The following GPC1 variants were observed in gnomAD, a reference collection of about 807,000 sequenced individuals.
The protein encoded by GPC1 is glypican-1.
A neutral mutation model predicts 51.5 loss-of-function variants in GPC1; 26 were observed. The ratio of observed to expected loss-of-function variants is 0.50; its 90% confidence interval spans 0.37 to 0.70. The LOEUF (loss-of-function observed/expected upper bound fraction) is 0.70. Among genes scored for constraint, GPC1 ranks in the 30% least tolerant of loss-of-function variants. The probability of loss-of-function intolerance (pLI) is 0.00; values close to 1 mark genes in which losing one functional copy is unlikely to be tolerated. For missense variants in GPC1, 775 were observed against 800.5 expected, an observed-to-expected ratio of 0.97 and a Z score of 0.38; for synonymous variants, 380 against 348.3, an observed-to-expected ratio of 1.09 and a Z score of -1.01.
At chr2:240,465,405 C>CAT (rs1259048755) in intron 7 of GPC1, 68 bp from the exon 8 acceptor site, 1 of 1,491,854 alleles carries the variant, frequency 6.7e-7, no homozygotes, top group Non-Finnish European at 9.2e-7. Context: ...GGGAGAGTGT[C>CAT]CTGCTCAGGT....
chr2:240,443,393 G>A (rs1173525899), intron 1 of GPC1, among the ~76,000 whole-genome samples: 1 of 152,234 alleles, frequency 6.6e-6, no homozygotes, highest in Non-Finnish European at 1.5e-5. Flanking sequence ...CACCACTGCT[G>A]TCTCCTGAGG....
intron 1 of GPC1, among the ~76,000 whole-genome samples, chr2:240,446,788 G>A (rs999328003): frequency 1.3e-5 from 2 of 152,206 alleles, no homozygotes; most frequent in African/African-American, 4.8e-5. Context: ...GGAGACTTGG[G>A]GAGCAGATAG....
At chr2:240,446,822 A>C (rs1161125143) in intron 1 of GPC1, among the ~76,000 whole-genome samples, 6 of 152,178 alleles carry the variant, frequency 3.9e-5, no homozygotes. Flanking sequence ...CTTCCAGCCC[A>C]CATCATTCGG....
intron 1 of GPC1, among the ~76,000 whole-genome samples, chr2:240,440,587 G>A (rs944247821): frequency 6.9e-6 from 1 of 144,212 alleles, no homozygotes; most frequent in African/African-American, 2.6e-5. Context: ...TGGCCTCCCT[G>A]CCTCCGGTCC....
chr2:240,455,091 T>C, intron 1 of GPC1: 1 of 167,336 alleles, frequency 6.0e-6, no homozygotes, highest in Non-Finnish European at 1.4e-5. Flanking sequence ...ACCGTCAGGA[T>C]CGGGAGGGGG....
chr2:240,463,785 T>C, intron 4 of GPC1: 1 of 523,698 alleles, frequency 1.9e-6, no homozygotes, highest in East Asian at 3.2e-5. Context: ...AGCACCTCGG[T>C]GTGCATACAT....
At chr2:240,461,649 C>T (rs546947413) in intron 2 of GPC1, among the ~76,000 whole-genome samples, 12 of 152,266 alleles carry the variant, frequency 7.9e-5, no homozygotes, top group East Asian at 1.9e-4. Context: ...GCTTCTAAAT[C>T]GCAGAAGCTG....
intron 1 of GPC1, among the ~76,000 whole-genome samples, chr2:240,445,042 G>A (rs1161491709): frequency 6.6e-6 from 1 of 152,182 alleles, no homozygotes; most frequent in African/African-American, 2.4e-5. Flanking sequence ...ACCCAAGGAG[G>A]TATTTTAAAA....
intron 2 of GPC1, 145 bp downstream of exon 2, chr2:240,459,333 G>A (rs2074197685): frequency 1.2e-5 from 10 of 814,698 alleles, no homozygotes; most frequent in East Asian, 2.7e-5. Context: ...GGGCTAGGGC[G>A]CTGGGTTGAA....
chr2:240,454,126 TG>T (rs1214955493), intron 1 of GPC1, among the ~76,000 whole-genome samples: 2 of 151,764 alleles, frequency 1.3e-5, no homozygotes, highest in East Asian at 3.9e-4. Context: ...GGGGTGAGTC[TG>T]GGGGCCGTGG....
chr2:240,464,655 C>G lies in GPC1; in HGVS notation c.923C>G (p.Ser308Trp). ...ATCACCGACAAGTTCTGGGGTACAT[C>G]GGGTGTGGAGAGTGTCATCGGCAGC... ...VLITDKFWGTSGVESVIGSVH... is the reference protein window; with the variant it reads ...VLITDKFWGTWGVESVIGSVH... Residue 308 changes from serine (S) to tryptophan (W), a missense_variant, in exon 5 of 9, where the codon TCG (serine) becomes TGG (tryptophan). Physicochemically the swap from Ser to Trp is radical, Grantham distance 177 (BLOSUM62 -3). Transcript: ENST00000264039. The G allele has an allele frequency of 6.2e-7, 1 of 1,613,196 alleles. No homozygotes were observed. Among genetic ancestry groups the G allele is most frequent in the Non-Finnish European group, 8.5e-7 (1 of 1,179,850 alleles).
In GPC1 at chr2:240,465,691, G is replaced by C. The variant is rs370155470; in HGVS notation, c.1444+43G>C. 2.0e-5 allele frequency: 32 copies of C among 1,570,810 alleles called. No homozygotes were observed. The African/African-American group carries it at 4.3e-4, about 21-fold the overall frequency. ...CCGGGCGGCCAAGGGGCCAGGGTTGGTGGGGGTGCCACAGGGGTGTGACTG... is the reference window on the plus strand; with the variant it reads ...CCGGGCGGCCAAGGGGCCAGGGTTGCTGGGGGTGCCACAGGGGTGTGACTG... On this transcript the variant is annotated intron_variant, in intron 8 of 8. Transcript: ENST00000264039.
At chr2:240,452,671 A>T (rs560374012) in intron 1 of GPC1, 1 of 151,726 alleles carries the variant, frequency 6.6e-6, no homozygotes, top group Non-Finnish European at 1.5e-5. Flanking sequence ...AGGCGGGCGC[A>T]GGGCGGCGGG....
chr2:240,437,980 G>A (rs1369595370), intron 1 of GPC1, among the ~76,000 whole-genome samples: 4 of 152,190 alleles, frequency 2.6e-5, no homozygotes, highest in African/African-American at 4.8e-5. Flanking sequence ...AGTGTGGGTC[G>A]TGCTGCTCTT....
intron 1 of GPC1, among the ~76,000 whole-genome samples, chr2:240,453,319 CCGCCCCG>C (rs1308802596): frequency 0.054 from 2,343 of 43,356 alleles, 670 homozygotes; most frequent in African/African-American, 0.058. Context: ...CTCCCACCGC[CCGCCCCG>C]CTCCCACCGC....
At chr2:240,456,308 G>A (rs757533224) in intron 1 of GPC1, among the ~76,000 whole-genome samples, 10 of 152,208 alleles carry the variant, frequency 6.6e-5, no homozygotes, top group Admixed American at 4.6e-4. Flanking sequence ...AGCCTCTCCC[G>A]TCTGCGTGGT....
At chr2:240,439,935 A>G (rs1454189942) in intron 1 of GPC1, among the ~76,000 whole-genome samples, 4 of 152,194 alleles carry the variant, frequency 2.6e-5, no homozygotes, top group Admixed American at 2.6e-4. Flanking sequence ...GCGTGATGCA[A>G]TGGCCTGGGT....
At chr2:240,440,874 G>A (rs1429827525) in intron 1 of GPC1, among the ~76,000 whole-genome samples, 10 of 152,250 alleles carry the variant, frequency 6.6e-5, no homozygotes, top group South Asian at 2.1e-4. Flanking sequence ...CTCACCCTCC[G>A]GCCTGGCTCC....
chr2:240,454,308 T>G (rs2074135525), intron 1 of GPC1, among the ~76,000 whole-genome samples: 1 of 152,096 alleles, frequency 6.6e-6, no homozygotes, highest in Admixed American at 6.5e-5. Flanking sequence ...GCCTGGGCAG[T>G]GGGTGGTCCC....
Sources: gnomAD v4.1 joint callset for allele counts (sites outside exome capture counted in the v4.1 genomes callset) on GRCh38, gnomAD v4.1.1 for gene constraint, MANE v1.5 for transcripts, NCBI Gene and HGNC (gene_info 2026-07-23, HGNC 2026-07-21) for gene names.